The following INSC variants were observed in gnomAD, a reference collection of about 807,000 sequenced individuals.
INSC encodes the protein INSC spindle orientation adaptor protein.
Under a neutral mutation model 58.6 loss-of-function variants are expected in INSC, and 67 were observed. The observed-to-expected ratio is 1.14, with a 90% CI of 0.94 to 1.40. INSC has a LOEUF of 1.40. Ranked by LOEUF, INSC falls within the 40% of genes most tolerant of loss-of-function variation. The pLI, the probability that INSC is intolerant of heterozygous loss-of-function variation, is 0.00. For missense variants in INSC, 714 were observed against 692.0 expected, an observed-to-expected ratio of 1.03 and a Z score of -0.36; for synonymous variants, 262 against 276.1, an observed-to-expected ratio of 0.95 and a Z score of 0.51.
At position 15,175,520 on chromosome 11, in the gene INSC, G is replaced by T. The variant is rs1041074098; in HGVS notation, c.57-221G>T. ...ACTCTGTCAGACATAATTACCTGTT[G>T]CTTGTTAGTCTGGTCATCTGCCCTT... is the stretch of plus-strand genomic sequence containing the variant. On this transcript the variant is annotated intron_variant, in intron 2 of 12. Coordinates refer to ENST00000379556, the MANE Select transcript of INSC (RefSeq NM_001042536.3). Among the ~76,000 whole-genome samples, 8 of 152,226 alleles carry T rather than the reference G, an allele frequency of 5.3e-5. No individual in the cohort carries two copies. The South Asian group carries it at 1.7e-3, about 32-fold the overall frequency.
At chr11:15,198,292 G>A (rs1436877121) in intron 6 of INSC, among the ~76,000 whole-genome samples, 1 of 152,116 alleles carries the variant, frequency 6.6e-6, no homozygotes, top group Non-Finnish European at 1.5e-5. Context: ...CAGCAGCAAA[G>A]CCAGGATTTG....
chr11:15,227,287 A>T (rs770267764), intron 9 of INSC, among the ~76,000 whole-genome samples: 1 of 152,190 alleles, frequency 6.6e-6, no homozygotes, highest in African/African-American at 2.4e-5. Flanking sequence ...CCATTTATCA[A>T]TTGAGTGACA....
At chr11:15,229,970 A>AATAT in intron 9 of INSC, among the ~76,000 whole-genome samples, 1 of 14,746 alleles carries the variant, frequency 6.8e-5, no homozygotes, top group African/African-American at 3.0e-4. Flanking sequence ...TTATATATAT[A>AATAT]TATATATATT....
chr11:15,202,852 C>A (rs1206617030), intron 7 of INSC, among the ~76,000 whole-genome samples: 2 of 152,220 alleles, frequency 1.3e-5, no homozygotes, highest in Non-Finnish European at 2.9e-5. Flanking sequence ...TTTTTCCTTT[C>A]ACCTATCTGA....
At chr11:15,190,998 T>TTTTTG (rs1850150654) in intron 6 of INSC, among the ~76,000 whole-genome samples, 184 bp downstream of exon 6, 1 of 148,574 alleles carries the variant, frequency 6.7e-6, no homozygotes, top group Non-Finnish European at 1.5e-5. Flanking sequence ...TTTTTTTTTT[T>TTTTTG]GAGACGGAGT....
At chr11:15,165,184 G>T (rs936979196) in intron 2 of INSC, among the ~76,000 whole-genome samples, 2 of 152,214 alleles carry the variant, frequency 1.3e-5, no homozygotes, top group Admixed American at 6.5e-5. Context: ...TAGTTACTCT[G>T]TCAGTTTTCA....
chr11:15,173,366 G>A (rs1032495805), intron 2 of INSC, among the ~76,000 whole-genome samples: 2 of 152,156 alleles, frequency 1.3e-5, no homozygotes, highest in Non-Finnish European at 2.9e-5. Context: ...CATGAGTATG[G>A]AGAAAAATAT....
chr11:15,126,749 C>T (rs1590334808), intron 1 of INSC, among the ~76,000 whole-genome samples: 1 of 152,170 alleles, frequency 6.6e-6, no homozygotes, highest in Non-Finnish European at 1.5e-5. Flanking sequence ...TTGTTCTGTT[C>T]ATCTCCTCTC....
chr11:15,226,306 C>T (rs73426579), intron 9 of INSC, among the ~76,000 whole-genome samples: 3,037 of 152,268 alleles, frequency 0.02, 102 homozygotes, highest in African/African-American at 0.069. Context: ...CCATGAGAAA[C>T]AGGGGCTTGG....
intron 8 of INSC, among the ~76,000 whole-genome samples, chr11:15,224,359 G>A (rs372744352): frequency 1.3e-5 from 2 of 152,172 alleles, no homozygotes; most frequent in South Asian, 4.1e-4. Flanking sequence ...TAGAAAAAGG[G>A]TTTTACTACT....
intron 2 of INSC, among the ~76,000 whole-genome samples, chr11:15,159,732 G>C (rs148232675): frequency 2.0e-5 from 3 of 152,296 alleles, no homozygotes; most frequent in East Asian, 3.9e-4. Context: ...GCCTTGCTAA[G>C]CTTCAGTTTC....
intron 7 of INSC, among the ~76,000 whole-genome samples, chr11:15,210,400 G>A (rs78231020): frequency 2.6e-5 from 4 of 152,028 alleles, no homozygotes; most frequent in African/African-American, 9.7e-5. Flanking sequence ...AGACATGCCT[G>A]TTCTGTGGGT....
chr11:15,139,916 C>T (rs1848329231), intron 1 of INSC, among the ~76,000 whole-genome samples: 1 of 152,186 alleles, frequency 6.6e-6, no homozygotes, highest in Non-Finnish European at 1.5e-5. Flanking sequence ...TCCCAGAATG[C>T]CAGTAAGTGC....
intron 9 of INSC, among the ~76,000 whole-genome samples, chr11:15,230,048 G>A (rs1235818640): frequency 2.9e-5 from 3 of 102,696 alleles, no homozygotes; most frequent in African/African-American, 7.7e-5. Context: ...ATAAAAGCCA[G>A]GCATGGTGGT....
intron 2 of INSC, among the ~76,000 whole-genome samples, chr11:15,152,011 C>T (rs1028523716): frequency 6.6e-6 from 1 of 152,190 alleles, no homozygotes; most frequent in African/African-American, 2.4e-5. Flanking sequence ...GTTTCAAGTA[C>T]TTGTTATGGG....
intron 5 of INSC, among the ~76,000 whole-genome samples, chr11:15,189,482 C>T (rs1406274989): frequency 1.3e-5 from 2 of 152,014 alleles, no homozygotes; most frequent in Non-Finnish European, 2.9e-5. Flanking sequence ...ATCCCCCTGC[C>T]TCAATCTTCC....
intron 7 of INSC, among the ~76,000 whole-genome samples, chr11:15,214,249 C>G (rs1021954662): frequency 3.3e-5 from 5 of 152,084 alleles, no homozygotes; most frequent in Admixed American, 3.3e-4. Context: ...TTTGTGATTC[C>G]CACTCATCAT....
intron 2 of INSC, among the ~76,000 whole-genome samples, chr11:15,164,045 T>G (rs1849107800): frequency 6.6e-6 from 1 of 152,200 alleles, no homozygotes; most frequent in African/African-American, 2.4e-5. Flanking sequence ...TTGGGACATT[T>G]CCTTTCTGAT....
chr11:15,244,251 TTACCCTTGTTAGTCTATGGGG>T (rs1852474652), intron 12 of INSC, among the ~76,000 whole-genome samples: 1 of 152,146 alleles, frequency 6.6e-6, no homozygotes, highest in Non-Finnish European at 1.5e-5. Context: ...GCTGTGAAGT[TTACCCTTGTTAGTCTATGGGG>T]TAAACCACGC....
Sources: gnomAD v4.1 joint callset for allele counts (sites outside exome capture counted in the v4.1 genomes callset) on GRCh38, gnomAD v4.1.1 for gene constraint, MANE v1.5 for transcripts, NCBI Gene and HGNC (gene_info 2026-07-23, HGNC 2026-07-21) for gene names.